VTI1A: variants seen among roughly 807,000 people sequenced by gnomAD.
The protein encoded by VTI1A is vesicle transport through interaction with t-SNAREs homolog 1A.
Under a neutral mutation model 34.9 loss-of-function variants are expected in VTI1A, and 22 were observed. The ratio of observed to expected loss-of-function variants is 0.63; its 90% CI spans 0.45 to 0.90. The LOEUF (loss-of-function observed/expected upper bound fraction) is 0.90, where lower values mean the gene tolerates loss of function less well. Among genes scored for constraint, VTI1A ranks in the 40% least tolerant of loss-of-function variants. The pLI, the probability that VTI1A is intolerant of heterozygous loss-of-function variation, is 0.00. For missense variants in VTI1A, 268 were observed against 275.6 expected, an observed-to-expected ratio of 0.97 and a Z score of 0.20; for synonymous variants, 87 against 97.3, an observed-to-expected ratio of 0.89 and a Z score of 0.62.
chr10:112,686,800 T>C (rs537440414), intron 7 of VTI1A, among the ~76,000 whole-genome samples: 46 of 152,334 alleles, frequency 3.0e-4, no homozygotes, highest in Non-Finnish European at 5.9e-4. Context: ...CACACGTTAT[T>C]TCCTCTTGAA....
chr10:112,509,829 T>A (rs1589844583), intron 3 of VTI1A, among the ~76,000 whole-genome samples: 1 of 152,206 alleles, frequency 6.6e-6, no homozygotes, highest in Non-Finnish European at 1.5e-5. Context: ...GAAAAATCAT[T>A]CCTGCCAGTA....
intron 7 of VTI1A, among the ~76,000 whole-genome samples, chr10:112,702,776 G>A (rs1273202651): frequency 6.6e-6 from 1 of 152,166 alleles, no homozygotes; most frequent in Non-Finnish European, 1.5e-5. Flanking sequence ...GGTAGAGATG[G>A]GATTTCACCA....
At chr10:112,835,453 G>A in the VTI1A span, among the ~76,000 whole-genome samples, 24 of 152,270 alleles carry the variant, frequency 1.6e-4, no homozygotes, top group African/African-American at 4.6e-4. Context: ...TGCAGTTCTC[G>A]CTTAATGAAG....
intron 5 of VTI1A, among the ~76,000 whole-genome samples, chr10:112,636,568 A>AT (rs373319518): frequency 3.9e-5 from 6 of 151,998 alleles, no homozygotes; most frequent in East Asian, 1.9e-4. Flanking sequence ...TACTAAAAAA[A>AT]ATATATAAAA....
At chr10:112,694,640 A>G (rs1848720476) in intron 7 of VTI1A, among the ~76,000 whole-genome samples, 1 of 152,108 alleles carries the variant, frequency 6.6e-6, no homozygotes, top group African/African-American at 2.4e-5. Context: ...CTCAAAAAAA[A>G]AAAAATCTTT....
intron 3 of VTI1A, among the ~76,000 whole-genome samples, chr10:112,494,464 T>G (rs2134133922): frequency 1.3e-5 from 2 of 152,178 alleles, no homozygotes; most frequent in South Asian, 4.1e-4. Context: ...TTTCTAGAAG[T>G]GAGATTGATT....
At chr10:112,632,301 T>G (rs1846157592) in intron 5 of VTI1A, among the ~76,000 whole-genome samples, 1 of 152,234 alleles carries the variant, frequency 6.6e-6, no homozygotes, top group Non-Finnish European at 1.5e-5. Flanking sequence ...GTTTTCCATA[T>G]GAACACAAAG....
At chr10:112,591,842 G>T (rs1844402687) in intron 5 of VTI1A, among the ~76,000 whole-genome samples, 1 of 152,220 alleles carries the variant, frequency 6.6e-6, no homozygotes, top group South Asian at 2.1e-4. Flanking sequence ...TGTAATTAAA[G>T]TAACAGACCT....
At chr10:112,580,261 A>G (rs1843873468) in intron 5 of VTI1A, among the ~76,000 whole-genome samples, 1 of 152,216 alleles carries the variant, frequency 6.6e-6, no homozygotes, top group South Asian at 2.1e-4. Context: ...AAGAAGCAGA[A>G]GATAGATTTT....
the VTI1A span, among the ~76,000 whole-genome samples, chr10:112,847,012 A>G: frequency 7.0e-4 from 106 of 152,328 alleles, no homozygotes; most frequent in Non-Finnish European, 1.0e-3. Flanking sequence ...TAAGATAATA[A>G]GCCTGTATTG....
At chr10:112,545,496 C>A (rs551214238) in intron 5 of VTI1A, among the ~76,000 whole-genome samples, 1 of 151,936 alleles carries the variant, frequency 6.6e-6, no homozygotes, top group African/African-American at 2.4e-5. Context: ...TTTCTTTTTT[C>A]TGTCTAATCA....
intron 5 of VTI1A, among the ~76,000 whole-genome samples, chr10:112,546,168 T>TAC (rs1209859552): frequency 2.0e-5 from 3 of 150,008 alleles, no homozygotes; most frequent in Non-Finnish European, 3.0e-5. Context: ...TGTATATATA[T>TAC]ACACACACAC....
the VTI1A span, among the ~76,000 whole-genome samples, chr10:112,847,906 C>T: frequency 1.3e-4 from 20 of 152,266 alleles, no homozygotes; most frequent in Admixed American, 4.6e-4. Flanking sequence ...CTATCTGAGG[C>T]ACCAGGCATA....
At position 112,637,771 on chromosome 10, in the gene VTI1A, T is replaced by G. The variant is rs148570152; in HGVS notation, c.428-30447T>G. 2.1e-3 allele frequency among the ~76,000 whole-genome samples: 325 copies of G among 152,364 alleles called. 1 individual carries two copies. The highest frequency in any genetic ancestry group is 7.1e-3 in the African/African-American group (296 of 41,590). On this transcript the variant is annotated intron_variant, in intron 5 of 7. Transcript: ENST00000393077. ...TGTAAATAAGTAATTGCACCTTTAT[T>G]TCTGTACTGTACATCCCATAAAGAT...
intron 3 of VTI1A, among the ~76,000 whole-genome samples, chr10:112,470,776 C>T (rs1160455479): frequency 6.6e-6 from 1 of 152,144 alleles, no homozygotes; most frequent in Non-Finnish European, 1.5e-5. Flanking sequence ...CTTGTAATCC[C>T]AGCTACTTGG....
chr10:112,478,031 A>C (rs1242984749), intron 3 of VTI1A, among the ~76,000 whole-genome samples: 1 of 152,142 alleles, frequency 6.6e-6, no homozygotes, highest in Admixed American at 6.5e-5. Flanking sequence ...AAAATTTTTT[A>C]CTTTTTTGAA....
In VTI1A at chr10:112,589,018, CTTTT is replaced by C. The variant is rs3057340; in HGVS notation, c.427+50707_427+50710del. ...ATATTTCAACACTTTGACTCCTTGTCTTTTTTTTTTTTTTTTTTTTTTAACTTAC... is the reference window on the plus strand; with the variant it reads ...ATATTTCAACACTTTGACTCCTTGTCTTTTTTTTTTTTTTTTTTAACTTAC... On this transcript the variant is annotated intron_variant, in intron 5 of 7. Transcript: ENST00000393077. Among the ~76,000 whole-genome samples the C allele has an allele frequency of 8.9e-4, 115 of 129,230 alleles. 1 individual carries two copies. The highest frequency in any genetic ancestry group is 1.1e-3 in the Admixed American group (15 of 13,238). 84.8% of individuals were successfully genotyped at this position (129,230 alleles called of 152,430 possible).
intron 5 of VTI1A, among the ~76,000 whole-genome samples, chr10:112,576,922 T>C (rs1042557248): frequency 6.6e-6 from 1 of 152,186 alleles, no homozygotes; most frequent in Non-Finnish European, 1.5e-5. Context: ...TAACTACAGA[T>C]AGTATATGCC....
intron 5 of VTI1A, among the ~76,000 whole-genome samples, chr10:112,551,403 T>C (rs957914946): frequency 2.0e-5 from 3 of 152,060 alleles, no homozygotes; most frequent in Admixed American, 2.0e-4. Context: ...GAAATTAGGA[T>C]TGGATTTATT....
Sources: allele counts gnomAD v4.1 joint callset (sites outside exome capture counted in the v4.1 genomes callset), GRCh38; gene constraint gnomAD v4.1.1; transcripts MANE v1.5; gene names NCBI Gene and HGNC (gene_info 2026-07-23, HGNC 2026-07-21).